The following SND1 variants were observed in gnomAD, a reference collection of about 807,000 sequenced individuals.
The protein encoded by SND1 is staphylococcal nuclease domain-containing protein 1.
In SND1, 38 loss-of-function variants were observed where a neutral mutation model predicts 121.7. That is an observed-to-expected ratio of 0.31 (90% CI 0.24 to 0.41). The LOEUF (loss-of-function observed/expected upper bound fraction) is 0.41. SND1 is among the 10% of genes least tolerant of loss of function. The pLI is 1.00. For synonymous variants in SND1, 401 were observed against 447.4 expected (o/e 0.90, Z 1.31); for missense variants, 868 against 1,184.6 (o/e 0.73, Z 3.92).
intron 14 of SND1, among the ~76,000 whole-genome samples, chr7:127,905,391 A>G (rs949590297): frequency 9.2e-5 from 14 of 152,306 alleles, no homozygotes; most frequent in Middle Eastern, 3.4e-3. Context: ...TTTAACTGTA[A>G]GGACTTTACC....
intron 10 of SND1, among the ~76,000 whole-genome samples, chr7:127,802,393 A>G (rs1025775760): frequency 3.3e-5 from 5 of 152,090 alleles, no homozygotes; most frequent in Admixed American, 6.5e-5. Context: ...TGCTCTACCA[A>G]AAGTATGCTC....
intron 1 of SND1, among the ~76,000 whole-genome samples, chr7:127,670,672 A>ATTTATT (rs771194579): frequency 3.2e-3 from 484 of 151,914 alleles, no homozygotes; most frequent in Non-Finnish European, 5.3e-3. Context: ...TTATTTATTT[A>ATTTATT]TTTATTTTTA....
At chr7:127,901,246 G>A (rs1800224983) in intron 13 of SND1, among the ~76,000 whole-genome samples, 1 of 152,144 alleles carries the variant, frequency 6.6e-6, no homozygotes, top group African/African-American at 2.4e-5. Flanking sequence ...AGCAGAGCCT[G>A]GGTCTCCATG....
At chr7:127,734,479 T>C (rs1372264559) in intron 10 of SND1, among the ~76,000 whole-genome samples, 1 of 152,210 alleles carries the variant, frequency 6.6e-6, no homozygotes, top group East Asian at 1.9e-4. Flanking sequence ...TGTGCAATTA[T>C]ATTAGCTGAA....
At chr7:127,824,995 G>C (rs2116612397) in intron 11 of SND1, among the ~76,000 whole-genome samples, 1 of 152,244 alleles carries the variant, frequency 6.6e-6, no homozygotes, top group East Asian at 1.9e-4. Flanking sequence ...AAAATTGGTG[G>C]GTTGATTACA....
At chr7:127,917,574 A>AT (rs969885430) in intron 14 of SND1, among the ~76,000 whole-genome samples, 5 of 151,944 alleles carry the variant, frequency 3.3e-5, no homozygotes, top group Non-Finnish European at 5.9e-5. Flanking sequence ...AATTTTTAAA[A>AT]TTTTTTTTGT....
chr7:128,027,169 A>G (rs568875730), intron 16 of SND1: 5 of 131,764 alleles, frequency 3.8e-5, no homozygotes, highest in Non-Finnish European at 6.5e-5. Flanking sequence ...CACCCATACC[A>G]CCCCCTTTCA....
intron 10 of SND1, among the ~76,000 whole-genome samples, chr7:127,746,801 T>C (rs1328400466): frequency 6.6e-6 from 1 of 152,172 alleles, no homozygotes; most frequent in Non-Finnish European, 1.5e-5. Context: ...ATGCCTAGTC[T>C]CTGGTCCCCT....
intron 9 of SND1, among the ~76,000 whole-genome samples, chr7:127,708,623 A>G (rs965705087): frequency 6.6e-6 from 1 of 151,558 alleles, no homozygotes; most frequent in African/African-American, 2.4e-5. Flanking sequence ...TTTTCCATTG[A>G]TATGTCTTGG....
At chr7:127,793,763 C>T (rs372241386) in intron 10 of SND1, among the ~76,000 whole-genome samples, 45 of 152,220 alleles carry the variant, frequency 3.0e-4, no homozygotes, top group Non-Finnish European at 4.1e-4. Context: ...GAACAGCTAC[C>T]GCAGTTATAG....
chr7:127,910,742 G>A (rs1263778762), intron 14 of SND1, among the ~76,000 whole-genome samples: 1 of 151,962 alleles, frequency 6.6e-6, no homozygotes, highest in African/African-American at 2.4e-5. Flanking sequence ...ACCCCACTTG[G>A]CTAAAATCAT....
intron 10 of SND1, among the ~76,000 whole-genome samples, chr7:127,730,898 T>C (rs1020524430): frequency 2.0e-5 from 3 of 152,272 alleles, no homozygotes; most frequent in African/African-American, 7.2e-5. Flanking sequence ...TAGGACATGT[T>C]CCTCATCACT....
chr7:127,653,011 G>A lies in SND1; in HGVS notation c.78+560G>A, dbSNP rs188813331. Among the ~76,000 whole-genome samples the A allele has an allele frequency of 2.0e-5, 3 of 152,262 alleles. No individual in the cohort carries two copies. In the East Asian group the frequency reaches 5.8e-4, roughly 29 times the overall value. On this transcript the variant is annotated intron_variant, in intron 1 of 23. Coordinates refer to ENST00000354725, the MANE Select transcript of SND1 (RefSeq NM_014390.4). ...GTACTTTTGACTTCTAAAAGGTTAG[G>A]CCGGCAAGAATCTTAGTAATCATCA...
chr7:127,926,764 T>TGTAGTA (rs770811540), intron 14 of SND1, among the ~76,000 whole-genome samples: 2,743 of 150,268 alleles, frequency 0.018, 75 homozygotes, highest in African/African-American at 0.048. Flanking sequence ...TTGTTGTTGT[T>TGTAGTA]GTACTTTTAG....
intron 1 of SND1, among the ~76,000 whole-genome samples, chr7:127,682,809 C>A (rs528638388): frequency 2.6e-5 from 4 of 152,226 alleles, no homozygotes; most frequent in Non-Finnish European, 4.4e-5. Context: ...CTGAAACATG[C>A]CACTTGCCTA....
chr7:128,011,774 G>A (rs916132439), intron 16 of SND1, among the ~76,000 whole-genome samples: 4 of 152,196 alleles, frequency 2.6e-5, no homozygotes, highest in African/African-American at 9.6e-5. Context: ...GTAAGAAAAT[G>A]AACATATTTT....
chr7:127,810,743 T>C (rs999046614), intron 11 of SND1, among the ~76,000 whole-genome samples: 12 of 152,214 alleles, frequency 7.9e-5, no homozygotes, highest in African/African-American at 2.2e-4. Context: ...GGGATCTTCA[T>C]TGGGATTTCC....
chr7:127,997,845 GCTTGCTTTC>G (rs1485425516), intron 16 of SND1: 1 of 534,736 alleles, frequency 1.9e-6, no homozygotes, highest in East Asian at 5.4e-5. Flanking sequence ...CATCGCCCTT[GCTTGCTTTC>G]CTATTCACTC....
At chr7:127,771,790 T>G (rs1402291456) in intron 10 of SND1, among the ~76,000 whole-genome samples, 1 of 152,190 alleles carries the variant, frequency 6.6e-6, no homozygotes, top group Admixed American at 6.5e-5. Context: ...TTAACTTTAA[T>G]TAAATATGAT....
Sources: gnomAD v4.1 joint callset for allele counts (sites outside exome capture counted in the v4.1 genomes callset) on GRCh38, gnomAD v4.1.1 for gene constraint, MANE v1.5 for transcripts, NCBI Gene and HGNC (gene_info 2026-07-23, HGNC 2026-07-21) for gene names.